Variants in SYT1 observed in about 807,000 individuals in gnomAD.
The protein encoded by SYT1 is synaptotagmin-1.
Under a neutral mutation model 44.8 loss-of-function variants are expected in SYT1, and 8 were observed. The ratio of observed to expected loss-of-function variants is 0.18; its 90% CI spans 0.10 to 0.32. The LOEUF is 0.32. SYT1 is among the 10% of genes least tolerant of loss of function. The probability of loss-of-function intolerance (pLI) is 1.00; values close to 1 mark genes in which losing one functional copy is unlikely to be tolerated. For synonymous variants in SYT1, 154 were observed against 188.8 expected, an observed-to-expected ratio of 0.82 and a Z score of 1.51; for missense variants, 286 against 509.3, an observed-to-expected ratio of 0.56 and a Z score of 4.22.
chr12:78,921,255 A>C (rs1396190714), intron 1 of SYT1, among the ~76,000 whole-genome samples: 1 of 151,988 alleles, frequency 6.6e-6, no homozygotes, highest in Non-Finnish European at 1.5e-5. Flanking sequence ...AACGGATTTT[A>C]AATTACTTCT....
At chr12:79,176,689 G>T (rs924763304) in intron 3 of SYT1, among the ~76,000 whole-genome samples, 1 of 151,908 alleles carries the variant, frequency 6.6e-6, no homozygotes, top group African/African-American at 2.4e-5. Context: ...ATAGTACAAT[G>T]AACACACATA....
At chr12:79,046,488 GA>G (rs1182360742) in intron 2 of SYT1, 1 of 152,072 alleles carries the variant, frequency 6.6e-6, no homozygotes, top group Non-Finnish European at 1.5e-5. Context: ...TTTCATTTAT[GA>G]GTTGTTAACA....
intron 1 of SYT1, among the ~76,000 whole-genome samples, chr12:78,936,875 C>T (rs1197256261): frequency 6.6e-6 from 1 of 152,108 alleles, no homozygotes; most frequent in African/African-American, 2.4e-5. Flanking sequence ...ATCTTCCAGG[C>T]AAGGGATGGC....
intron 1 of SYT1, among the ~76,000 whole-genome samples, chr12:78,971,117 T>C (rs1868369140): frequency 6.6e-6 from 1 of 152,102 alleles, no homozygotes; most frequent in South Asian, 2.1e-4. Flanking sequence ...TGAGTTGAGA[T>C]TGCACCACTG....
chr12:79,325,609 G>A (rs542624559), intron 8 of SYT1, among the ~76,000 whole-genome samples: 30 of 152,198 alleles, frequency 2.0e-4, no homozygotes, highest in African/African-American at 7.2e-4. Flanking sequence ...ACAGAGAAAG[G>A]TTTGCCCATT....
chr12:79,178,968 A>C (rs75862203), intron 3 of SYT1, among the ~76,000 whole-genome samples: 9,121 of 27,478 alleles, frequency 0.33, 2,813 homozygotes, highest in African/African-American at 0.55. Flanking sequence ...ATAGATATAG[A>C]TATATAGATA....
At chr12:79,189,320 T>A (rs1872978700) in intron 3 of SYT1, among the ~76,000 whole-genome samples, 1 of 152,176 alleles carries the variant, frequency 6.6e-6, no homozygotes, top group Admixed American at 6.6e-5. Context: ...AACATGGAGA[T>A]CATTGCAGTA....
intron 9 of SYT1, among the ~76,000 whole-genome samples, chr12:79,386,341 G>C (rs1241678326): frequency 6.7e-6 from 1 of 150,000 alleles, no homozygotes; most frequent in Non-Finnish European, 1.5e-5. Context: ...GTATTCATTA[G>C]TTTTCTTTTT....
intron 3 of SYT1, among the ~76,000 whole-genome samples, chr12:79,157,227 G>T (rs770797686): frequency 7.9e-5 from 12 of 152,130 alleles, no homozygotes; most frequent in Non-Finnish European, 1.6e-4. Flanking sequence ...TATTGCAAGG[G>T]AACTTTTTAG....
chr12:79,218,761 C>T (rs561372828), intron 4 of SYT1, among the ~76,000 whole-genome samples: 11 of 152,210 alleles, frequency 7.2e-5, no homozygotes, highest in African/African-American at 2.6e-4. Context: ...TCCATTCATC[C>T]ACTGATAAGA....
chr12:79,297,202 A>G (rs989511748), intron 7 of SYT1, among the ~76,000 whole-genome samples: 15 of 152,136 alleles, frequency 9.9e-5, no homozygotes, highest in Non-Finnish European at 1.8e-4. Context: ...TTCAAGACAA[A>G]GGTCCCTCAT....
intron 8 of SYT1, among the ~76,000 whole-genome samples, chr12:79,339,541 T>C (rs1348713422): frequency 6.6e-6 from 1 of 152,246 alleles, no homozygotes; most frequent in Non-Finnish European, 1.5e-5. Context: ...GTAAATTTGT[T>C]TAAGTTCTTT....
chr12:78,897,585 T>G (rs2137088325), intron 1 of SYT1, among the ~76,000 whole-genome samples: 1 of 152,154 alleles, frequency 6.6e-6, no homozygotes, highest in East Asian at 1.9e-4. Context: ...GGTTTCACAC[T>G]GATACAAATT....
chr12:79,292,391 A>C lies in SYT1; in HGVS notation c.474+261A>C, dbSNP rs531219181. 8.5e-5 allele frequency among the ~76,000 whole-genome samples: 13 copies of C among 152,272 alleles called. No individual in the cohort carries two copies. The East Asian group carries it at 2.5e-3, about 29-fold the overall frequency. ...GGCAGACAGAATACAAATTAACTTG[A>C]AGCAGTCGGTCTGCTTCTGAGAGCT... is the stretch of plus-strand genomic sequence containing the variant. On this transcript the variant is annotated intron_variant, in intron 6 of 10. Transcript: ENST00000261205.
chr12:79,444,006 A>G (rs1373805496), intron 9 of SYT1, 67 bp from the exon 10 acceptor site: 1 of 1,549,264 alleles, frequency 6.5e-7, no homozygotes, highest in Non-Finnish European at 8.7e-7. Context: ...GTTCTTTTAT[A>G]AGCTAACTTA....
intron 9 of SYT1, among the ~76,000 whole-genome samples, chr12:79,385,637 T>G (rs7966962): frequency 0.56 from 85,004 of 151,948 alleles, 26,465 homozygotes; most frequent in Non-Finnish European, 0.7. Flanking sequence ...GTATATGCAG[T>G]TTATCATAGG....
chr12:79,242,333 C>T (rs1876564952), intron 4 of SYT1, among the ~76,000 whole-genome samples: 2 of 152,124 alleles, frequency 1.3e-5, no homozygotes, highest in Admixed American at 1.3e-4. Context: ...GGAAGCTAGA[C>T]TTCATCTACT....
At chr12:79,360,020 T>G (rs2136021919) in intron 9 of SYT1, among the ~76,000 whole-genome samples, 1 of 152,288 alleles carries the variant, frequency 6.6e-6, no homozygotes, top group African/African-American at 2.4e-5. Flanking sequence ...AAGCTGTGAC[T>G]GAGTATCTAG....
At chr12:79,346,924 T>C (rs914757400) in intron 8 of SYT1, among the ~76,000 whole-genome samples, 1 of 151,962 alleles carries the variant, frequency 6.6e-6, no homozygotes. Flanking sequence ...AAGAAATAAA[T>C]AGGGAAAAAG....
Sources: allele counts gnomAD v4.1 joint callset (sites outside exome capture counted in the v4.1 genomes callset), GRCh38; gene constraint gnomAD v4.1.1; transcripts MANE v1.5; gene names NCBI Gene and HGNC (gene_info 2026-07-23, HGNC 2026-07-21).